GPLD1: variants seen among roughly 807,000 people sequenced by gnomAD.
GPLD1 encodes the protein glycosylphosphatidylinositol specific phospholipase D1.
A neutral mutation model predicts 112.6 loss-of-function variants in GPLD1; 84 were observed. The ratio of observed to expected loss-of-function variants is 0.75; its 90% CI spans 0.63 to 0.89. The LOEUF (loss-of-function observed/expected upper bound fraction) is 0.89, where lower values mean the gene tolerates loss of function less well. Among genes scored for constraint, GPLD1 ranks in the 40% least tolerant of loss-of-function variants. The pLI is 0.00. For missense variants in GPLD1, 1,044 were observed against 1,051.5 expected, an observed-to-expected ratio of 0.99 and a Z score of 0.10; for synonymous variants, 386 against 403.8, an observed-to-expected ratio of 0.96 and a Z score of 0.53.
At chr6:24,474,946 CA>C (rs10646493) in intron 5 of GPLD1, among the ~76,000 whole-genome samples, 174 bp downstream of exon 5, 13,165 of 108,482 alleles carry the variant, frequency 0.12, 708 homozygotes, top group South Asian at 0.2. Flanking sequence ...GACTCCATCT[CA>C]AAAAAAAAAA....
chr6:24,439,456 G>C (rs1325651587), intron 20 of GPLD1, among the ~76,000 whole-genome samples: 1 of 152,180 alleles, frequency 6.6e-6, no homozygotes, highest in Non-Finnish European at 1.5e-5. Flanking sequence ...CAAGGATGAG[G>C]AAGAATTGTA....
intron 14 of GPLD1, among the ~76,000 whole-genome samples, chr6:24,452,089 G>C (rs999889001): frequency 6.6e-5 from 10 of 152,198 alleles, no homozygotes; most frequent in African/African-American, 1.9e-4. Context: ...CTTCGTCCAT[G>C]CCTTTATCTT....
At chr6:24,455,002 G>A (rs77624770) in intron 13 of GPLD1, among the ~76,000 whole-genome samples, 3 of 152,180 alleles carry the variant, frequency 2.0e-5, no homozygotes, top group Admixed American at 6.5e-5. Context: ...GGTGGCAGGC[G>A]CCTGTAATCC....
chr6:24,435,444 A>G (rs2127316268), intron 22 of GPLD1, among the ~76,000 whole-genome samples: 2 of 152,364 alleles, frequency 1.3e-5, no homozygotes, highest in South Asian at 4.1e-4. Context: ...AGCAGGTATT[A>G]GCTCTGCAGA....
chr6:24,495,214 C>T, upstream of GPLD1: 2 of 1,509,368 alleles, frequency 1.3e-6, no homozygotes, highest in Non-Finnish European at 1.8e-6. Flanking sequence ...CTCCCGGCCG[C>T]CGCCACCTTC....
chr6:24,492,157 A>G (rs1190937373), upstream of GPLD1, among the ~76,000 whole-genome samples: 1 of 152,174 alleles, frequency 6.6e-6, no homozygotes, highest in Non-Finnish European at 1.5e-5. Context: ...AGTAGGGAGA[A>G]TACAGGTTTG....
intron 5 of GPLD1, among the ~76,000 whole-genome samples, 183 bp from the exon 6 acceptor site, chr6:24,473,850 C>T (rs947793127): frequency 1.3e-4 from 20 of 152,090 alleles, no homozygotes; most frequent in South Asian, 2.1e-4. Flanking sequence ...AAAGGCAGGG[C>T]GCGGTAGCTC....
rs1323243248 is a variant in GPLD1, at chr6:24,475,235, C to A, written c.331-4G>T. 2.0e-6 allele frequency: 3 copies of A among 1,498,982 alleles called. No individual in the cohort carries two copies. The highest frequency in any genetic ancestry group is 2.8e-5 in the African/African-American group (2 of 72,724). The allele number at this position is 1,498,982 out of a possible 1,614,324, so 92.9% of individuals were successfully genotyped here. On this transcript the variant is annotated splice_region_variant and splice_polypyrimidine_tract_variant and intron_variant, in intron 4 of 24. Coordinates refer to ENST00000230036, the MANE Select transcript of GPLD1 (RefSeq NM_001503.4). ...AAGCTACCAGTTTCTCTGTGTCCTG[C>A]CAAACAAGCAAATTAGAGTCATGTG...
chr6:24,455,245 G>C (rs1406995373), intron 13 of GPLD1, among the ~76,000 whole-genome samples: 1 of 152,262 alleles, frequency 6.6e-6, no homozygotes, highest in East Asian at 1.9e-4. Flanking sequence ...GTGGCTGGCT[G>C]TGCTTATGTA....
At chr6:24,477,560 A>C (rs971733388) in intron 3 of GPLD1, among the ~76,000 whole-genome samples, 14 of 151,600 alleles carry the variant, frequency 9.2e-5, no homozygotes, top group African/African-American at 3.4e-4. Context: ...CTCTACAAAA[A>C]TTTAAAAATA....
intron 20 of GPLD1, among the ~76,000 whole-genome samples, chr6:24,442,763 T>C (rs1209698051): frequency 2.6e-5 from 4 of 151,646 alleles, no homozygotes; most frequent in Non-Finnish European, 4.4e-5. Flanking sequence ...AAATTTTTTG[T>C]AGAGACAGGG....
At chr6:24,481,539 C>T (rs887772405) in intron 2 of GPLD1, among the ~76,000 whole-genome samples, 1 of 152,200 alleles carries the variant, frequency 6.6e-6, no homozygotes, top group African/African-American at 2.4e-5. Flanking sequence ...CCATTCCACA[C>T]CGCTCAGGTG....
chr6:24,447,361 C>T (rs1267497430), intron 17 of GPLD1, among the ~76,000 whole-genome samples: 1 of 152,008 alleles, frequency 6.6e-6, no homozygotes, highest in Non-Finnish European at 1.5e-5. Flanking sequence ...CAAAAATTAG[C>T]CGGGCATGGT....
intron 24 of GPLD1, 21 bp from the exon 25 acceptor site, chr6:24,429,139 A>G: frequency 6.6e-7 from 1 of 1,505,458 alleles, no homozygotes; most frequent in Non-Finnish European, 9.2e-7. Flanking sequence ...CACAAGACAG[A>G]ATTCATGGCT....
intron 1 of GPLD1, among the ~76,000 whole-genome samples, chr6:24,486,839 T>C (rs982584516): frequency 1.3e-5 from 2 of 151,876 alleles, no homozygotes; most frequent in East Asian, 1.9e-4. Flanking sequence ...GAAACTGTCA[T>C]CATATTTTGC....
chr6:24,462,827 A>G (rs2793442), intron 10 of GPLD1, 32 bp from the exon 11 acceptor site: 784,782 of 1,478,964 alleles, frequency 0.53, 211,781 homozygotes, highest in African/African-American at 0.72. Flanking sequence ...TTAGCCATTT[A>G]TCTACTTCTT....
chr6:24,481,666 A>G (rs1040313541), intron 2 of GPLD1, among the ~76,000 whole-genome samples: 1 of 152,032 alleles, frequency 6.6e-6, no homozygotes, highest in Non-Finnish European at 1.5e-5. Flanking sequence ...TCTCCACTAG[A>G]GCTCTGGGAA....
rs556211309 is a variant in GPLD1, at chr6:24,485,889, G to T, written c.153+186C>A. Among the ~76,000 whole-genome samples, 4 of 151,978 alleles carry T rather than the reference G, an allele frequency of 2.6e-5. 1 individual carries two copies. The East Asian group carries it at 7.7e-4, about 29-fold the overall frequency. On this transcript the variant is annotated intron_variant, in intron 2 of 24. Coordinates refer to ENST00000230036, the MANE Select transcript of GPLD1 (RefSeq NM_001503.4). The stretch of plus-strand genomic sequence containing the variant: ...TCTCCATATTAGTCAGGCTGGTCTC[G>T]AACTCCTGACCTCAAGTGATCCACC...
chr6:24,438,213 T>C (rs1046744629), intron 20 of GPLD1, among the ~76,000 whole-genome samples: 7 of 152,250 alleles, frequency 4.6e-5, no homozygotes, highest in African/African-American at 7.2e-5. Flanking sequence ...TGTCTCTCTA[T>C]CCACTGTACC....
Sources: allele counts gnomAD v4.1 joint callset (sites outside exome capture counted in the v4.1 genomes callset), GRCh38; gene constraint gnomAD v4.1.1; transcripts MANE v1.5; gene names NCBI Gene and HGNC (gene_info 2026-07-23, HGNC 2026-07-21).